The following RERE variants were observed in gnomAD, a reference collection of about 807,000 sequenced individuals.
RERE encodes the protein arginine-glutamic acid dipeptide repeats protein.
RERE carries 40 observed loss-of-function variants against 146.1 expected under a neutral mutation model. The observed-to-expected ratio is 0.27, with a 90% confidence interval of 0.21 to 0.36. The LOEUF (loss-of-function observed/expected upper bound fraction) is 0.36. RERE is among the 10% of genes least tolerant of loss of function. The pLI is 1.00. For synonymous variants in RERE, 1,003 were observed against 866.0 expected, an observed-to-expected ratio of 1.16 and a Z score of -2.78; for missense variants, 1,933 against 2,138.7, an observed-to-expected ratio of 0.90 and a Z score of 1.90.
At chr1:8,428,863 T>C (rs1644053986) in intron 11 of RERE, among the ~76,000 whole-genome samples, 1 of 152,204 alleles carries the variant, frequency 6.6e-6, no homozygotes, top group South Asian at 2.1e-4. Flanking sequence ...AAGTTCCTCA[T>C]GCTATTGCTT....
At chr1:8,464,405 C>T (rs983957327) in intron 11 of RERE, among the ~76,000 whole-genome samples, 1 of 152,184 alleles carries the variant, frequency 6.6e-6, no homozygotes, top group African/African-American at 2.4e-5. Flanking sequence ...TGCTGCCACA[C>T]CACCCAGCCA....
chr1:8,544,442 T>C (rs1013409413), intron 6 of RERE, among the ~76,000 whole-genome samples: 2 of 152,158 alleles, frequency 1.3e-5, no homozygotes. Flanking sequence ...TACAATAAAA[T>C]ACTACACAAA....
intron 12 of RERE, among the ~76,000 whole-genome samples, chr1:8,416,304 G>A (rs768819176): frequency 2.0e-5 from 3 of 152,278 alleles, no homozygotes; most frequent in East Asian, 1.9e-4. Flanking sequence ...CCTGGCTCAC[G>A]GTCAGGCGCG....
At chr1:8,710,668 A>C (rs1160263446) in intron 1 of RERE, among the ~76,000 whole-genome samples, 1 of 152,032 alleles carries the variant, frequency 6.6e-6, no homozygotes, top group Non-Finnish European at 1.5e-5. Context: ...ACAGGTGCCC[A>C]CCACGCCCGG....
chr1:8,787,992 G>A (rs567837099), intron 1 of RERE, among the ~76,000 whole-genome samples: 123 of 152,160 alleles, frequency 8.1e-4, no homozygotes, highest in African/African-American at 2.9e-3. Flanking sequence ...CAGCTACTTC[G>A]GAAGCTGGGG....
rs1268893065 is a variant in RERE, at chr1:8,635,977, C to CTTATCTTATT, written c.326-11598_326-11597insAATAAGATAA. ...CTTATCTTATCTTATCTTATCTTAT[C>CTTATCTTATT]TTATTTTATTTTATTTTATTTTATT... On this transcript the variant is annotated intron_variant, in intron 2 of 22. Transcript: ENST00000400908. 2.5e-3 allele frequency among the ~76,000 whole-genome samples: 343 copies of CTTATCTTATT among 136,816 alleles called. 3 individuals carry two copies. Among genetic ancestry groups the CTTATCTTATT allele is most frequent in the African/African-American group, 8.0e-3 (282 of 35,420 alleles). 89.8% of individuals were successfully genotyped at this position (136,816 alleles called of 152,430 possible).
chr1:8,607,530 A>ATATATTTTTTTTTTTTT (rs1646732034), intron 4 of RERE, among the ~76,000 whole-genome samples: 1 of 57,582 alleles, frequency 1.7e-5, no homozygotes, highest in East Asian at 9.6e-4. Context: ...TTTTATATAT[A>ATATATTTTTTTTTTTTT]TTTCTTTTTT....
intron 10 of RERE, among the ~76,000 whole-genome samples, chr1:8,494,327 T>G (rs1316389559): frequency 6.6e-6 from 1 of 152,124 alleles, no homozygotes; most frequent in Non-Finnish European, 1.5e-5. Context: ...TCAGAAACAG[T>G]GAAGTACAAA....
At chr1:8,512,080 GCAGACT>G (rs1274853914) in intron 7 of RERE, among the ~76,000 whole-genome samples, 1 of 119,370 alleles carries the variant, frequency 8.4e-6, no homozygotes, top group Non-Finnish European at 1.6e-5. Flanking sequence ...AGGCCGGACT[GCAGACT>G]GCAGTGGCGC....
At chr1:8,375,516 C>CCTCG (rs1642205397) in intron 12 of RERE, among the ~76,000 whole-genome samples, 1 of 152,076 alleles carries the variant, frequency 6.6e-6, no homozygotes, top group Admixed American at 6.5e-5. Context: ...GAAAATGCTT[C>CCTCG]CTCACTCAGC....
At chr1:8,522,162 T>C (rs1190991792) in intron 7 of RERE, among the ~76,000 whole-genome samples, 4 of 152,246 alleles carry the variant, frequency 2.6e-5, no homozygotes, top group African/African-American at 9.6e-5. Flanking sequence ...AATACAGGCA[T>C]GCCCCTATCA....
intron 10 of RERE, among the ~76,000 whole-genome samples, chr1:8,469,444 G>A (rs1035306889): frequency 1.3e-5 from 2 of 151,930 alleles, no homozygotes; most frequent in Non-Finnish European, 2.9e-5. Context: ...GGGTGAAACC[G>A]CATCCCTACT....
intron 11 of RERE, among the ~76,000 whole-genome samples, chr1:8,434,219 G>C (rs1644136592): frequency 6.6e-6 from 1 of 152,132 alleles, no homozygotes; most frequent in Non-Finnish European, 1.5e-5. Context: ...GCCAGCAAGA[G>C]TCCAACAGCC....
intron 7 of RERE, among the ~76,000 whole-genome samples, chr1:8,509,097 T>A (rs1310186741): frequency 6.6e-6 from 1 of 152,142 alleles, no homozygotes; most frequent in Non-Finnish European, 1.5e-5. Flanking sequence ...GTAATTTTAG[T>A]AGTAAATTTC....
chr1:8,483,565 C>A (rs1644862211), intron 10 of RERE, among the ~76,000 whole-genome samples: 1 of 152,206 alleles, frequency 6.6e-6, no homozygotes, highest in Non-Finnish European at 1.5e-5. Context: ...ACATCAATTT[C>A]TGGATGATCA....
intron 11 of RERE, chr1:8,424,725 T>G (rs1366280014): frequency 6.6e-6 from 1 of 152,296 alleles, no homozygotes; most frequent in Non-Finnish European, 1.5e-5. Context: ...TCCTAGGGCC[T>G]GCAAGAAAAG....
chr1:8,540,099 T>A (rs868732702), intron 7 of RERE, among the ~76,000 whole-genome samples: 9 of 151,944 alleles, frequency 5.9e-5, no homozygotes, highest in South Asian at 2.1e-4. Flanking sequence ...TTATTTATTT[T>A]TTATTCTTTT....
At chr1:8,374,906 GTCC>G (rs1642181175) in intron 12 of RERE, among the ~76,000 whole-genome samples, 1 of 152,084 alleles carries the variant, frequency 6.6e-6, no homozygotes, top group East Asian at 1.9e-4. Flanking sequence ...AGGCCCTGTA[GTCC>G]TCCTCATCAC....
At position 8,589,134 on chromosome 1, in the gene RERE, C is replaced by G. The variant is rs185226476; in HGVS notation, c.522+25427G>C. Among the ~76,000 whole-genome samples, 373 of 151,768 alleles carry G rather than the reference C, an allele frequency of 2.5e-3. 2 individuals carry two copies. Among genetic ancestry groups the G allele is most frequent in the Non-Finnish European group, 2.2e-3 (148 of 67,900 alleles). Reference sequence around the variant, plus strand: ...GCAGGACTCTGTCCCAAAAAACAAACAAACAAACAAAAACTACTGACAAGG... The same window carrying G: ...GCAGGACTCTGTCCCAAAAAACAAAGAAACAAACAAAAACTACTGACAAGG... On this transcript the variant is annotated intron_variant, in intron 4 of 22. Transcript: ENST00000400908.
Sources: gnomAD v4.1 joint callset for allele counts (sites outside exome capture counted in the v4.1 genomes callset) on GRCh38, gnomAD v4.1.1 for gene constraint, MANE v1.5 for transcripts, NCBI Gene and HGNC (gene_info 2026-07-23, HGNC 2026-07-21) for gene names.